MMP13: variants seen among roughly 807,000 people sequenced by gnomAD.
MMP13 encodes the protein collagenase 3.
A neutral mutation model predicts 52.1 loss-of-function variants in MMP13; 45 were observed. The ratio of observed to expected loss-of-function variants is 0.86; its 90% confidence interval spans 0.68 to 1.11. MMP13 has a LOEUF of 1.11. MMP13 is among the 50% of genes least tolerant of loss of function. MMP13 has a pLI of 0.00. For missense variants in MMP13, 576 were observed against 583.8 expected, an observed-to-expected ratio of 0.99 and a Z score of 0.14; for synonymous variants, 200 against 204.4, an observed-to-expected ratio of 0.98 and a Z score of 0.18.
chr11:102,949,094 G>A lies in MMP13; in HGVS notation c.982C>T (p.Pro328Ser). 6.2e-7 allele frequency: 1 copy of A among 1,613,846 alleles called. No homozygotes were observed. Among genetic ancestry groups the A allele is most frequent in the Non-Finnish European group, 8.5e-7 (1 of 1,179,834 alleles). The part of the protein sequence containing the change: ...AELFLTKSFW[P>S]ELPNRIDAAY... ...GCATCAATACGGTTGGGAAGTTCTG[G>A]CCAAAATGATTTCGTTAAAAACAGC... is the stretch of plus-strand genomic sequence containing the variant. The change falls in exon 7 of 10, where the codon CCA (proline) becomes TCA (serine). Residue 328 changes from proline (P) to serine (S), a missense_variant. Physicochemically the swap from Pro to Ser is moderately conservative, Grantham distance 74 (BLOSUM62 -1). Transcript: ENST00000260302. This position sits in a 1 kb window ranked among gnomAD's most constrained non-coding sequence, Gnocchi z 4.2.
intron 4 of MMP13, among the ~76,000 whole-genome samples, chr11:102,953,256 A>G (rs1860642019): frequency 6.6e-6 from 1 of 152,156 alleles, no homozygotes; most frequent in Admixed American, 6.6e-5. Flanking sequence ...ACAATGCTGG[A>G]TATTATTTCT....
intron 8 of MMP13, among the ~76,000 whole-genome samples, 181 bp from the exon 9 acceptor site, chr11:102,945,930 T>C (rs1860499883): frequency 6.6e-6 from 1 of 152,238 alleles, no homozygotes; most frequent in Admixed American, 6.5e-5. Context: ...CAGTGGATGC[T>C]TGACGAGTAT....
Position 102,952,239 on chromosome 11 carries a change from T to C in MMP13, c.638-66A>G. The C allele has an allele frequency of 5.3e-5, 75 of 1,413,150 alleles. No individual in the cohort carries two copies. The highest frequency in any genetic ancestry group is 6.7e-5 in the Non-Finnish European group (67 of 999,260). 87.5% of individuals were successfully genotyped at this position (1,413,150 alleles called of 1,614,324 possible). On this transcript the variant is annotated intron_variant, in intron 4 of 9. Transcript: ENST00000260302. The surrounding 1 kb of genome is among the most constrained non-coding windows in gnomAD (Gnocchi z 4.3). ...CAGTGACCAGGTAATGAAAGGAATA[T>C]CATTTTATCTATCTGGTATGTTTCT...
At chr11:102,945,883 T>C in intron 8 of MMP13, 134 bp from the exon 9 acceptor site, 3 of 593,074 alleles carry the variant, frequency 5.1e-6, no homozygotes, top group Non-Finnish European at 8.9e-6. Flanking sequence ...AAGCATCTGG[T>C]AGCTTTTTAA....
chr11:102,950,589 G>T (rs1012858622), intron 5 of MMP13, among the ~76,000 whole-genome samples: 1 of 152,074 alleles, frequency 6.6e-6, no homozygotes, highest in East Asian at 1.9e-4. Context: ...ATTTTTGATG[G>T]CGTATTTTTC....
At chr11:102,948,556 A>G (rs2134516268) in intron 7 of MMP13, among the ~76,000 whole-genome samples, 1 of 152,304 alleles carries the variant, frequency 6.6e-6, no homozygotes, top group South Asian at 2.1e-4. Flanking sequence ...CAATTTGGAA[A>G]TTGGTCATAA....
chr11:102,947,216 G>A (rs782074369), intron 8 of MMP13, among the ~76,000 whole-genome samples: 9 of 152,112 alleles, frequency 5.9e-5, no homozygotes, highest in African/African-American at 9.7e-5. Context: ...CTTTGGCCAC[G>A]GAAGATGGAG....
Position 102,944,226 on chromosome 11 carries a change from A to G in MMP13, c.*40T>C. On this transcript the variant is annotated 3_prime_UTR_variant, in exon 10 of 10. Coordinates refer to ENST00000260302, the MANE Select transcript of MMP13 (RefSeq NM_002427.4). ...CGCACTTCTGGAAGTATTACCCCAA[A>G]TGCTCTTCAGGATTTAAATAACAAT... 2 of 1,483,062 alleles carry G rather than the reference A, an allele frequency of 1.3e-6. No homozygotes were observed. Among genetic ancestry groups the G allele is most frequent in the Non-Finnish European group, 1.9e-6 (2 of 1,062,382 alleles). 91.9% of individuals were successfully genotyped at this position (1,483,062 alleles called of 1,614,324 possible).
chr11:102,948,307 T>C (rs1860550528), intron 7 of MMP13, among the ~76,000 whole-genome samples: 2 of 152,194 alleles, frequency 1.3e-5, no homozygotes, highest in African/African-American at 2.4e-5. Flanking sequence ...TTATTAGCTC[T>C]GAATATTAAG....
At position 102,952,108 on chromosome 11, in the gene MMP13, C is replaced by A; in HGVS notation, c.703G>T (p.Asp235Tyr). ...ATAGGAAACATGAGTGCTCCAGGGTCCTTGGAGTGGTCAAGACCTAAGGAG... is the reference window on the plus strand; with the variant it reads ...ATAGGAAACATGAGTGCTCCAGGGTACTTGGAGTGGTCAAGACCTAAGGAG... ...GHSLGLDHSK[D>Y]PGALMFPIYT... The change falls in exon 5 of 10, where the codon GAC becomes TAC. Residue 235 changes from aspartate (D) to tyrosine (Y), a missense_variant. By Grantham distance (160) the Asp-to-Tyr change is radical. Coordinates refer to ENST00000260302, the MANE Select transcript of MMP13 (RefSeq NM_002427.4). This position sits in a 1 kb window ranked among gnomAD's most constrained non-coding sequence, Gnocchi z 4.3. 1 of 1,613,152 alleles carries A rather than the reference C, an allele frequency of 6.2e-7. No individual in the cohort carries two copies. The highest frequency in any genetic ancestry group is 1.3e-5 in the African/African-American group (1 of 74,898).
chr11:102,945,070 TC>T (rs1565252618), intron 9 of MMP13: 1 of 294,114 alleles, frequency 3.4e-6, no homozygotes, highest in East Asian at 1.0e-4. Context: ...ATGGCGAAAC[TC>T]CATCTCTACT....
chr11:102,951,439 T>G (rs1555017303), intron 5 of MMP13, among the ~76,000 whole-genome samples: 1 of 152,170 alleles, frequency 6.6e-6, no homozygotes, highest in Non-Finnish European at 1.5e-5. Context: ...CATTGCAATG[T>G]ATAAAGTACA....
At chr11:102,950,075 C>A in intron 6 of MMP13, 35 bp downstream of exon 6, 1 of 1,524,170 alleles carries the variant, frequency 6.6e-7, no homozygotes, top group South Asian at 1.1e-5. Context: ...AGATGTTTGT[C>A]GCATACAGAC....
At position 102,949,341 on chromosome 11, in the gene MMP13, G is replaced by A. The variant is rs186245116; in HGVS notation, c.918-183C>T. ...GTGACAAGTTGTGCTATCCTAACTA[G>A]CGTAAGGTATTCAACTTTGAAATCT... is the stretch of plus-strand genomic sequence containing the variant. On this transcript the variant is annotated intron_variant, in intron 6 of 9. Coordinates refer to ENST00000260302, the MANE Select transcript of MMP13 (RefSeq NM_002427.4). The surrounding 1 kb of genome is among the most constrained non-coding windows in gnomAD (Gnocchi z 4.2). 6.6e-6 allele frequency among the ~76,000 whole-genome samples: 1 copy of A among 152,250 alleles called. No individual in the cohort carries two copies. The highest frequency in any genetic ancestry group is 2.4e-5 in the African/African-American group (1 of 41,550).
At chr11:102,948,490 A>G (rs569320197) in intron 7 of MMP13, among the ~76,000 whole-genome samples, 1 of 152,296 alleles carries the variant, frequency 6.6e-6, no homozygotes, top group Admixed American at 6.5e-5. Flanking sequence ...CAATACAAAC[A>G]GTGTCAGCAG....
Position 102,952,256 on chromosome 11 carries a change from T to C in MMP13, c.638-83A>G, listed in dbSNP as rs1860626161. On this transcript the variant is annotated intron_variant, in intron 4 of 9. Transcript: ENST00000260302. This position sits in a 1 kb window ranked among gnomAD's most constrained non-coding sequence, Gnocchi z 4.3. ...AAGGAATATCATTTTATCTATCTGG[T>C]ATGTTTCTTTCTTGGCTATATACTT... The C allele has an allele frequency of 6.8e-7, 1 of 1,475,170 alleles. No homozygotes were observed. The highest frequency in any genetic ancestry group is 9.4e-7 in the Non-Finnish European group (1 of 1,059,076). 91.4% of individuals were successfully genotyped at this position (1,475,170 alleles called of 1,614,324 possible).
chr11:102,948,861 A>G (rs797038300), intron 7 of MMP13, among the ~76,000 whole-genome samples, 164 bp downstream of exon 7: 2 of 152,312 alleles, frequency 1.3e-5, no homozygotes, highest in African/African-American at 4.8e-5. Context: ...TTGGAGATTC[A>G]TGGTAGAATG....
At chr11:102,946,670 A>G (rs1336449482) in intron 8 of MMP13, among the ~76,000 whole-genome samples, 1 of 152,216 alleles carries the variant, frequency 6.6e-6, no homozygotes, top group African/African-American at 2.4e-5. Context: ...AAAATTGCCT[A>G]AGAGAAGCTT....
chr11:102,954,546 G>A lies in MMP13; in HGVS notation c.423C>T (p.Ala141=). ...GAGTTACATCGGACCAAACTTTGAA[G>A]GCTTTTTTGAATGCCTTTTCGACTT... ...HSEVEKAFKK[A]FKVWSDVTPL... The change falls in exon 3 of 10, where the codon GCC becomes GCT. Residue 141 remains alanine (A), a synonymous_variant. Transcript: ENST00000260302. 1 of 1,613,636 alleles carries A rather than the reference G, an allele frequency of 6.2e-7. No homozygotes were observed. Among genetic ancestry groups the A allele is most frequent in the South Asian group, 1.1e-5 (1 of 91,060 alleles).
Sources: allele counts gnomAD v4.1 joint callset (sites outside exome capture counted in the v4.1 genomes callset), GRCh38; gene constraint gnomAD v4.1.1; non-coding constraint Gnocchi (gnomAD v3.1); transcripts MANE v1.5; gene names NCBI Gene and HGNC (gene_info 2026-07-23, HGNC 2026-07-21).